ABHD6: variants seen among roughly 807,000 people sequenced by gnomAD.
ABHD6 encodes monoacylglycerol lipase ABHD6.
ABHD6 carries 33 observed loss-of-function variants against 38.8 expected under a neutral mutation model. That is an observed-to-expected ratio of 0.85 (90% CI 0.64 to 1.14). ABHD6 has a LOEUF of 1.14. Among genes scored for constraint, ABHD6 ranks in the 50% most tolerant of loss-of-function variants. The pLI is 0.00. For missense variants in ABHD6, 380 were observed against 422.6 expected (o/e 0.90, Z 0.88); for synonymous variants, 147 against 161.6 (o/e 0.91, Z 0.69).
chr3:58,282,438 A>G (rs2097454027), intron 7 of ABHD6, among the ~76,000 whole-genome samples: 1 of 152,214 alleles, frequency 6.6e-6, no homozygotes, highest in Non-Finnish European at 1.5e-5. Flanking sequence ...GACTTCCAGC[A>G]CTTGAGGTCC....
chr3:58,247,564 T>A (rs1398419831), intron 1 of ABHD6, among the ~76,000 whole-genome samples: 1 of 152,064 alleles, frequency 6.6e-6, no homozygotes, highest in Non-Finnish European at 1.5e-5. Flanking sequence ...TGTAGTTATT[T>A]TTTGTTTTTT....
At position 58,256,418 on chromosome 3, in the gene ABHD6, T is replaced by G. The variant is rs1000995887; in HGVS notation, c.-25-144T>G. 2 of 518,964 alleles carry G rather than the reference T, an allele frequency of 3.9e-6. No homozygotes were observed. The highest frequency in any genetic ancestry group is 3.9e-5 in the African/African-American group (2 of 50,672). 32.1% of individuals were successfully genotyped at this position (518,964 alleles called of 1,614,324 possible). ...TTTTAGTTGTCATGTCTATTTGGTT[T>G]TTTGTAAAGCACTTGCCTGCTTTGG... On this transcript the variant is annotated intron_variant, in intron 2 of 9. Transcript: ENST00000478253. This position sits in a 1 kb window ranked among gnomAD's most constrained non-coding sequence, Gnocchi z 4.3.
rs2097433681 is a variant in ABHD6, at chr3:58,256,776, G to A, written c.119+71G>A. ...GACATCTTCTCTGCTTGTCCTTTTTGTGGTTATTGTCCAACATTTTATCAG... is the reference window on the plus strand; with the variant it reads ...GACATCTTCTCTGCTTGTCCTTTTTATGGTTATTGTCCAACATTTTATCAG... On this transcript the variant is annotated intron_variant, in intron 3 of 9. Transcript: ENST00000478253. This position sits in a 1 kb window ranked among gnomAD's most constrained non-coding sequence, Gnocchi z 4.3. The A allele has an allele frequency of 8.1e-7, 1 of 1,241,506 alleles. No individual in the cohort carries two copies. The highest frequency in any genetic ancestry group is 1.5e-5 in the African/African-American group (1 of 66,226). 76.9% of individuals were successfully genotyped at this position (1,241,506 alleles called of 1,614,324 possible). A position where few individuals can be genotyped will look rare whatever the true frequency, so the allele number is the denominator to read the frequency against.
At chr3:58,255,887 C>T (rs549818790) in intron 2 of ABHD6, among the ~76,000 whole-genome samples, 6 of 152,108 alleles carry the variant, frequency 3.9e-5, no homozygotes, top group Middle Eastern at 3.4e-3. Context: ...TTAAGTGATC[C>T]GCCCACCTCA....
At chr3:58,253,717 A>G (rs1340649601) in intron 2 of ABHD6, among the ~76,000 whole-genome samples, 1 of 152,226 alleles carries the variant, frequency 6.6e-6, no homozygotes, top group Non-Finnish European at 1.5e-5. Context: ...CCTACCCTCA[A>G]GGAGCTCTGG....
In ABHD6 at chr3:58,259,929, G is replaced by A. The variant is rs980798634; in HGVS notation, c.119+3224G>A. 3.3e-5 allele frequency among the ~76,000 whole-genome samples: 5 copies of A among 152,108 alleles called. No homozygotes were observed. The highest frequency in any genetic ancestry group is 1.3e-4 in the Admixed American group (2 of 15,272). ...CCCATTACGGACATTTCACGTAAAC[G>A]GGGTTATACATGTGTGACCTTTGTG... is the stretch of plus-strand genomic sequence containing the variant. On this transcript the variant is annotated intron_variant, in intron 3 of 9. Coordinates refer to ENST00000478253, the MANE Select transcript of ABHD6 (RefSeq NM_001320126.2). The surrounding 1 kb of genome is among the most constrained non-coding windows in gnomAD (Gnocchi z 4.7).
chr3:58,270,783 C>A, intron 5 of ABHD6, 149 bp from the exon 6 acceptor site: 2 of 812,536 alleles, frequency 2.5e-6, no homozygotes, highest in Non-Finnish European at 3.6e-6. Flanking sequence ...CAGGGCTCAT[C>A]TTATAATGGA....
intron 7 of ABHD6, among the ~76,000 whole-genome samples, chr3:58,275,997 T>C (rs1000568392): frequency 3.3e-5 from 5 of 152,222 alleles, no homozygotes; most frequent in Admixed American, 1.3e-4. Flanking sequence ...TGTCACATTT[T>C]CTTAATCCAG....
intron 9 of ABHD6, among the ~76,000 whole-genome samples, chr3:58,286,849 T>TATATATATATAC (rs2097457521): frequency 5.3e-5 from 2 of 38,092 alleles, no homozygotes; most frequent in African/African-American, 1.8e-4. Flanking sequence ...TGTGTGTGTG[T>TATATATATATAC]GTGTATATAT....
intron 9 of ABHD6, among the ~76,000 whole-genome samples, chr3:58,288,715 C>G (rs1485073922): frequency 1.3e-5 from 2 of 152,184 alleles, no homozygotes; most frequent in Non-Finnish European, 2.9e-5. Context: ...GGGACCAAGA[C>G]AGCCAGGATC....
rs140118114 is a variant in ABHD6, at chr3:58,241,556, C to G, written c.-91+3640C>G. 2.0e-5 allele frequency among the ~76,000 whole-genome samples: 3 copies of G among 152,260 alleles called. No individual in the cohort carries two copies. The East Asian group carries it at 5.8e-4, about 29-fold the overall frequency. ...GCAGCCTTTGCTCTTAGGCATTTTTCCAGAAGCTGTGGCTGTTTGGCTGTT... is the reference window on the plus strand; with the variant it reads ...GCAGCCTTTGCTCTTAGGCATTTTTGCAGAAGCTGTGGCTGTTTGGCTGTT... On this transcript the variant is annotated intron_variant, in intron 1 of 9. Coordinates refer to ENST00000478253, the MANE Select transcript of ABHD6 (RefSeq NM_001320126.2).
rs2097428825 is a variant in ABHD6 at position 58,249,940 on chromosome 3, AGAGT to A, written c.-26+3_-26+6del. 1 of 152,186 alleles carries A rather than the reference AGAGT, an allele frequency of 6.6e-6. No individual in the cohort carries two copies. Among genetic ancestry groups the A allele is most frequent in the African/African-American group, 2.4e-5 (1 of 41,446 alleles). 9.4% of individuals were successfully genotyped at this position (152,186 alleles called of 1,614,324 possible). A position where few individuals can be genotyped will look rare whatever the true frequency, so the allele number is the denominator to read the frequency against. ...TGGGAAAGAAGGCTGTGCTCTTTGA[AGAGT>A]GAGTATGGATTTTAACCACCATAGA... On this transcript the variant is annotated splice_donor_variant and 5_prime_UTR_variant, in exon 2 of 10. Transcript: ENST00000478253. LOFTEE classifies it low-confidence loss of function (5UTR_SPLICE).
chr3:58,285,564 C>T lies in ABHD6; in HGVS notation c.837+111C>T. 1.1e-6 allele frequency: 1 copy of T among 947,586 alleles called. No homozygotes were observed. Among genetic ancestry groups the T allele is most frequent in the Non-Finnish European group, 1.7e-6 (1 of 600,114 alleles). The allele number at this position is 947,586 out of a possible 1,614,324, so 58.7% of individuals were successfully genotyped here. ...TATGGAGTGAGCTGATCGCTGCTGT[C>T]AGGAAGAGGGGGAAGGCACCTGTGT... On this transcript the variant is annotated intron_variant, in intron 9 of 9. Transcript: ENST00000478253. This position sits in a 1 kb window ranked among gnomAD's most constrained non-coding sequence, Gnocchi z 4.9.
At chr3:58,249,975 C>G (rs904079048) in intron 2 of ABHD6, 33 bp downstream of exon 2, 1 of 152,096 alleles carries the variant, frequency 6.6e-6, no homozygotes, top group African/African-American at 2.4e-5. Context: ...ATAGATTTCC[C>G]CCAAAAGGCA....
chr3:58,245,786 A>G (rs2097425941), intron 1 of ABHD6, among the ~76,000 whole-genome samples: 1 of 113,642 alleles, frequency 8.8e-6, no homozygotes, highest in Non-Finnish European at 1.8e-5. Flanking sequence ...TCTCAAAAAA[A>G]AGAAAGAAAG....
intron 9 of ABHD6, among the ~76,000 whole-genome samples, chr3:58,286,845 T>TA (rs2097457425): frequency 9.9e-6 from 1 of 101,340 alleles, no homozygotes; most frequent in South Asian, 3.4e-4. Context: ...TGTGTGTGTG[T>TA]GTGTGTGTAT....
At position 58,285,393 on chromosome 3, in the gene ABHD6, C is replaced by G; in HGVS notation, c.777C>G (p.Leu259=). ...EIVSEKSRYS[L]HQNMDKIKVP... ...TCAGTGAGAAGTCCAGATACTCTCT[C>G]CATCAGAACATGGACAAGATCAAGG... Residue 259 remains leucine (L), a synonymous_variant, in exon 9 of 10, where the codon CTC becomes CTG. Coordinates refer to ENST00000478253, the MANE Select transcript of ABHD6 (RefSeq NM_001320126.2). The surrounding 1 kb of genome is among the most constrained non-coding windows in gnomAD (Gnocchi z 4.9). 6.2e-7 allele frequency: 1 copy of G among 1,614,124 alleles called. No homozygotes were observed. Among genetic ancestry groups the G allele is most frequent in the East Asian group, 2.2e-5 (1 of 44,890 alleles).
rs554786047 is a variant in ABHD6, at chr3:58,294,426, G to A, written c.*661G>A. 1 of 152,752 alleles carries A rather than the reference G, an allele frequency of 6.5e-6. No individual in the cohort carries two copies. Among genetic ancestry groups the A allele is most frequent in the East Asian group, 1.9e-4 (1 of 5,188 alleles). 9.5% of individuals were successfully genotyped at this position (152,752 alleles called of 1,614,324 possible). On this transcript the variant is annotated 3_prime_UTR_variant, in exon 10 of 10. Coordinates refer to ENST00000478253, the MANE Select transcript of ABHD6 (RefSeq NM_001320126.2). ...GTATGTTCTGAGTGAACCCACAGCA[G>A]TCGCAGAATGAGCACCTGGCAGGGT...
In ABHD6 at chr3:58,291,960, A is replaced by G. The variant is rs1252415727; in HGVS notation, c.838-1629A>G. Among the ~76,000 whole-genome samples, 5 of 150,634 alleles carry G rather than the reference A, an allele frequency of 3.3e-5. No homozygotes were observed. In the East Asian group the frequency reaches 9.6e-4, roughly 29 times the overall value. On this transcript the variant is annotated intron_variant, in intron 9 of 9. Transcript: ENST00000478253. ...GCGAGACCCTGTCTCAAAAAAACAA[A>G]AAAAGACACTCAGTTGGGAGTTTCC...
Sources: allele counts gnomAD v4.1 joint callset (sites outside exome capture counted in the v4.1 genomes callset), GRCh38; gene constraint gnomAD v4.1.1; non-coding constraint Gnocchi (gnomAD v3.1); transcripts MANE v1.5; gene names NCBI Gene and HGNC (gene_info 2026-07-23, HGNC 2026-07-21).